Variants in CENPP observed in about 807,000 individuals in gnomAD.
CENPP encodes centromere protein P.
A neutral mutation model predicts 35.6 loss-of-function variants in CENPP; 24 were observed. That is an observed-to-expected ratio of 0.67 (90% CI 0.49 to 0.95). CENPP has a LOEUF of 0.95. CENPP is among the 40% of genes least tolerant of loss of function. CENPP has a pLI of 0.00. For missense variants in CENPP, 332 were observed against 345.3 expected, an observed-to-expected ratio of 0.96 and a Z score of 0.31; for synonymous variants, 120 against 125.5, an observed-to-expected ratio of 0.96 and a Z score of 0.29.
chr9:92,349,053 T>C (rs974466877), intron 4 of CENPP, among the ~76,000 whole-genome samples: 6 of 152,208 alleles, frequency 3.9e-5, no homozygotes, highest in Non-Finnish European at 8.8e-5. Context: ...TTTAAAGTAT[T>C]TATTTTGCCC....
intron 5 of CENPP, chr9:92,464,602 G>T (rs1845236241): frequency 4.2e-6 from 2 of 477,578 alleles, no homozygotes; most frequent in Admixed American, 2.4e-5. Context: ...CTTCTGTATA[G>T]AATTCTCTAC....
At chr9:92,349,213 C>T (rs1162247768) in intron 4 of CENPP, among the ~76,000 whole-genome samples, 1 of 152,084 alleles carries the variant, frequency 6.6e-6, no homozygotes, top group Non-Finnish European at 1.5e-5. Flanking sequence ...AGAGTCTTTC[C>T]TCTGTTGCAG....
At chr9:92,514,810 G>T (rs369927306) in intron 5 of CENPP, 2 of 1,613,270 alleles carry the variant, frequency 1.2e-6, no homozygotes, top group Non-Finnish European at 8.5e-7. Flanking sequence ...TCCTCTTACC[G>T]GGTCCTCCTC....
intron 5 of CENPP, among the ~76,000 whole-genome samples, chr9:92,586,623 G>A (rs1037530326): frequency 1.3e-5 from 2 of 152,212 alleles, no homozygotes; most frequent in Non-Finnish European, 2.9e-5. Context: ...CAGAGTTGTA[G>A]GCAGGCTGCC....
At chr9:92,517,709 GC>G in intron 5 of CENPP, 2 of 1,614,132 alleles carry the variant, frequency 1.2e-6, no homozygotes, top group Non-Finnish European at 1.7e-6. Flanking sequence ...AGACCGGGCA[GC>G]ATTCCCCTTC....
rs1260477602 is a variant in CENPP, at chr9:92,476,202, G to A, written c.564+96343G>A. Reference sequence around the variant, plus strand: ...TGCCCGAGTGCCAGAGAGCAGCTGAGCTGCAAAAGACTTCTATAGTCAGCC... The same window carrying A: ...TGCCCGAGTGCCAGAGAGCAGCTGAACTGCAAAAGACTTCTATAGTCAGCC... On this transcript the variant is annotated intron_variant, in intron 5 of 7. Coordinates refer to ENST00000375587, the MANE Select transcript of CENPP (RefSeq NM_001012267.3). This position sits in a 1 kb window ranked among gnomAD's most constrained non-coding sequence, Gnocchi z 4.1. Among the ~76,000 whole-genome samples, 1 of 152,086 alleles carries A rather than the reference G, an allele frequency of 6.6e-6. No homozygotes were observed. Among genetic ancestry groups the A allele is most frequent in the East Asian group, 1.9e-4 (1 of 5,182 alleles).
intron 5 of CENPP, chr9:92,414,556 T>G (rs1479166975): frequency 9.5e-6 from 2 of 209,684 alleles, no homozygotes; most frequent in African/African-American, 4.5e-5. Flanking sequence ...ATGCCTTGGG[T>G]CCTTAGTACC....
At chr9:92,373,262 A>C (rs899748364) in intron 4 of CENPP, among the ~76,000 whole-genome samples, 6 of 151,876 alleles carry the variant, frequency 4.0e-5, no homozygotes, top group African/African-American at 1.4e-4. Context: ...ATGTCTTTTT[A>C]TTTAAAAATA....
Sources: allele counts gnomAD v4.1 joint callset (sites outside exome capture counted in the v4.1 genomes callset), GRCh38; gene constraint gnomAD v4.1.1; non-coding constraint Gnocchi (gnomAD v3.1); transcripts MANE v1.5; gene names NCBI Gene and HGNC (gene_info 2026-07-23, HGNC 2026-07-21).